TMPRSS4: variants seen among roughly 807,000 people sequenced by gnomAD.
The protein encoded by TMPRSS4 is transmembrane serine protease 4, also known as transmembrane protease serine 4.
Under a neutral mutation model 56.4 loss-of-function variants are expected in TMPRSS4, and 45 were observed. The ratio of observed to expected loss-of-function variants is 0.80; its 90% CI spans 0.63 to 1.02. The LOEUF (loss-of-function observed/expected upper bound fraction) is 1.02. TMPRSS4 is among the 50% of genes least tolerant of loss of function. The pLI is 0.00. For missense variants in TMPRSS4, 546 were observed against 556.7 expected (o/e 0.98, Z 0.19); for synonymous variants, 205 against 211.0 (o/e 0.97, Z 0.25).
intron 2 of TMPRSS4, among the ~76,000 whole-genome samples, chr11:118,096,443 C>G (rs1946290427): frequency 6.6e-6 from 1 of 152,176 alleles, no homozygotes; most frequent in Admixed American, 6.5e-5. Context: ...TAGAGTCAGA[C>G]ATATGATTAG....
At chr11:118,077,339 GA>G in intron 1 of TMPRSS4, 34 bp downstream of exon 1, 1 of 1,583,714 alleles carries the variant, frequency 6.3e-7, no homozygotes, top group Non-Finnish European at 8.6e-7. Flanking sequence ...CAAGACACAG[GA>G]AGGGTGGGTC....
intron 5 of TMPRSS4, 111 bp downstream of exon 5, chr11:118,104,931 G>A: frequency 8.5e-7 from 1 of 1,174,734 alleles, no homozygotes; most frequent in Non-Finnish European, 1.2e-6. Flanking sequence ...TTGGAGCCAG[G>A]CAGAATGGCT....
At position 118,119,341 on chromosome 11, in the gene TMPRSS4, G is replaced by A; in HGVS notation, c.*1428G>A. On this transcript the variant is annotated 3_prime_UTR_variant, in exon 13 of 13. Transcript: ENST00000437212. ...AGGGATAACTGATGGCAGTAAATGT[G>A]GTCTCAAATTGCAGATGGTCTGGAG... is the stretch of plus-strand genomic sequence containing the variant. The A allele has an allele frequency of 1.0e-6, 1 of 985,322 alleles. No homozygotes were observed. Among genetic ancestry groups the A allele is most frequent in the Non-Finnish European group, 1.2e-6 (1 of 829,916 alleles). The allele number at this position is 985,322 out of a possible 1,614,324, so 61.0% of individuals were successfully genotyped here.
At chr11:118,082,605 A>G (rs147354485) in intron 1 of TMPRSS4, among the ~76,000 whole-genome samples, 6 of 152,210 alleles carry the variant, frequency 3.9e-5, no homozygotes, top group African/African-American at 1.4e-4. Flanking sequence ...AAAGAGGTTC[A>G]TGACTTGAAA....
Position 118,118,320 on chromosome 11 carries a change from C to A in TMPRSS4, c.*407C>A. On this transcript the variant is annotated 3_prime_UTR_variant, in exon 13 of 13. Transcript: ENST00000437212. ...AGCCCTGTCCGTCTTCACCCATCCC[C>A]AAGCCTACTAGAGCAAGAAACCAGT... is the stretch of plus-strand genomic sequence containing the variant. The A allele has an allele frequency of 1.9e-6, 2 of 1,069,832 alleles. No homozygotes were observed. Among genetic ancestry groups the A allele is most frequent in the Non-Finnish European group, 2.3e-6 (2 of 884,918 alleles). The allele number at this position is 1,069,832 out of a possible 1,614,324, so 66.3% of individuals were successfully genotyped here.
At chr11:118,117,793 G>C in intron 12 of TMPRSS4, 109 bp from the exon 13 acceptor site, 1 of 1,605,130 alleles carries the variant, frequency 6.2e-7, no homozygotes, top group Non-Finnish European at 8.5e-7. Flanking sequence ...CTGCAGGGTA[G>C]GGAGAGAAGC....
At chr11:118,093,443 T>C (rs1184467238) in intron 1 of TMPRSS4, among the ~76,000 whole-genome samples, 1 of 152,162 alleles carries the variant, frequency 6.6e-6, no homozygotes, top group Non-Finnish European at 1.5e-5. Flanking sequence ...TCAGAGGGCA[T>C]AAACCCAGAC....
intron 9 of TMPRSS4, 44 bp from the exon 10 acceptor site, chr11:118,114,785 T>G: frequency 1.3e-6 from 2 of 1,525,730 alleles, no homozygotes; most frequent in Non-Finnish European, 8.9e-7. Flanking sequence ...AATTAACACT[T>G]ATGATGAATA....
intron 7 of TMPRSS4, among the ~76,000 whole-genome samples, chr11:118,111,501 T>C (rs933708793): frequency 1.3e-5 from 2 of 149,512 alleles, no homozygotes; most frequent in Non-Finnish European, 2.9e-5. Flanking sequence ...TAAACACATC[T>C]TAAACCAAAA....
chr11:118,117,478 C>T (rs1391121618), intron 12 of TMPRSS4, 24 bp downstream of exon 12: 1 of 1,598,878 alleles, frequency 6.3e-7, no homozygotes, highest in African/African-American at 1.3e-5. Context: ...GCCCTACCCA[C>T]TGTGCCTTCC....
rs1947756894 is a variant in TMPRSS4, at chr11:118,120,451, A to G, written c.*2538A>G. On this transcript the variant is annotated 3_prime_UTR_variant, in exon 13 of 13. Transcript: ENST00000437212. ...CCATCAACAGTTTGCAGGAGTTACT[A>G]TTTCTCCATATCCCCCCTAACACTT... The G allele has an allele frequency of 6.6e-6, 1 of 152,220 alleles. No individual in the cohort carries two copies. The highest frequency in any genetic ancestry group is 2.1e-4 in the South Asian group (1 of 4,824). 9.4% of individuals were successfully genotyped at this position (152,220 alleles called of 1,614,324 possible). A position where few individuals can be genotyped will look rare whatever the true frequency, so the allele number is the denominator to read the frequency against.
Position 118,118,396 on chromosome 11 carries a change from T to G in TMPRSS4, c.*483T>G, listed in dbSNP as rs951250692. The G allele has an allele frequency of 5.4e-5, 54 of 995,836 alleles. No homozygotes were observed. Among genetic ancestry groups the G allele is most frequent in the Non-Finnish European group, 6.1e-5 (51 of 837,246 alleles). 61.7% of individuals were successfully genotyped at this position (995,836 alleles called of 1,614,324 possible). ...TGTTGGTATGACTACCGTTACCTAC[T>G]GTTGTCATTGTTATTACAGCTATGG... On this transcript the variant is annotated 3_prime_UTR_variant, in exon 13 of 13. Transcript: ENST00000437212.
intron 5 of TMPRSS4, chr11:118,106,817 C>T (rs1024581791): frequency 6.6e-6 from 1 of 152,318 alleles, no homozygotes; most frequent in African/African-American, 2.4e-5. Flanking sequence ...GAAACTGAGG[C>T]TTGGAGAGAC....
chr11:118,119,425 C>A lies in TMPRSS4; in HGVS notation c.*1512C>A, dbSNP rs1947713697. ...CAAAGATCCTCCAAATATGAGCTCA[C>A]AATCAAAGATCAGAGACGTTGAAAA... is the stretch of plus-strand genomic sequence containing the variant. On this transcript the variant is annotated 3_prime_UTR_variant, in exon 13 of 13. Coordinates refer to ENST00000437212, the MANE Select transcript of TMPRSS4 (RefSeq NM_019894.4). The A allele has an allele frequency of 2.2e-6, 2 of 913,398 alleles. No individual in the cohort carries two copies. Among genetic ancestry groups the A allele is most frequent in the Non-Finnish European group, 2.6e-6 (2 of 764,528 alleles). 56.6% of individuals were successfully genotyped at this position (913,398 alleles called of 1,614,324 possible).
chr11:118,111,386 G>T (rs576783472), intron 7 of TMPRSS4, among the ~76,000 whole-genome samples: 1 of 152,318 alleles, frequency 6.6e-6, no homozygotes, highest in Non-Finnish European at 1.5e-5. Context: ...AGTGGGAGTG[G>T]CTGGGGACAC....
chr11:118,079,121 C>G (rs1409985953), intron 1 of TMPRSS4, among the ~76,000 whole-genome samples: 1 of 152,132 alleles, frequency 6.6e-6, no homozygotes, highest in Non-Finnish European at 1.5e-5. Context: ...AAAGGCAAGG[C>G]AGCAGCATGG....
intron 11 of TMPRSS4, among the ~76,000 whole-genome samples, chr11:118,116,020 C>T (rs1470893356): frequency 2.5e-5 from 3 of 118,248 alleles, no homozygotes; most frequent in African/African-American, 9.1e-5. Context: ...GCCCTCACCC[C>T]GGCCTCATTG....
downstream of TMPRSS4, among the ~76,000 whole-genome samples, chr11:118,123,540 C>T (rs1211181164): frequency 1.3e-5 from 2 of 151,722 alleles, no homozygotes; most frequent in Non-Finnish European, 2.9e-5. Flanking sequence ...TTTTTTGAGA[C>T]GGAGTCTTGC....
intron 1 of TMPRSS4, among the ~76,000 whole-genome samples, chr11:118,084,175 CAT>C: frequency 6.6e-6 from 1 of 152,292 alleles, no homozygotes. Flanking sequence ...TTCACACACA[CAT>C]GAAACTGAGT....
Sources: allele counts gnomAD v4.1 joint callset (sites outside exome capture counted in the v4.1 genomes callset), GRCh38; gene constraint gnomAD v4.1.1; transcripts MANE v1.5; gene names NCBI Gene and HGNC (gene_info 2026-07-23, HGNC 2026-07-21).